MEI4: variants seen among roughly 807,000 people sequenced by gnomAD.
The protein encoded by MEI4 is meiosis-specific protein MEI4.
Under a neutral mutation model 31.4 loss-of-function variants are expected in MEI4, and 27 were observed. The ratio of observed to expected loss-of-function variants is 0.86; its 90% confidence interval spans 0.63 to 1.19. The LOEUF is 1.19. Ranked by LOEUF, MEI4 falls within the 50% of genes most tolerant of loss-of-function variation. The pLI, the probability that MEI4 is intolerant of heterozygous loss-of-function variation, is 0.00. For synonymous variants in MEI4, 122 were observed against 145.4 expected, an observed-to-expected ratio of 0.84 and a Z score of 1.16; for missense variants, 329 against 398.9, an observed-to-expected ratio of 0.82 and a Z score of 1.49.
chr6:77,761,416 A>G lies in MEI4; in HGVS notation c.519A>G (p.Leu173=). 1 of 1,232,152 alleles carries G rather than the reference A, an allele frequency of 8.1e-7. No individual in the cohort carries two copies. The highest frequency in any genetic ancestry group is 1.0e-6 in the Non-Finnish European group (1 of 987,936). The allele number at this position is 1,232,152 out of a possible 1,614,324, so 76.3% of individuals were successfully genotyped here. ...LTESGNLKRD[L]THFEKDSSTV... is the part of the protein sequence containing the mutation. The stretch of plus-strand genomic sequence containing the variant: ...AATCAGGTAATCTTAAAAGAGACTT[A>G]ACCCACTTTGAAAAAGACTCTTCCA... Residue 173 remains leucine (L), a synonymous_variant, in exon 3 of 5, where the codon TTA becomes TTG. Transcript: ENST00000684080.
intron 2 of MEI4, among the ~76,000 whole-genome samples, chr6:77,714,261 T>C (rs921898273): frequency 6.6e-6 from 1 of 151,926 alleles, no homozygotes; most frequent in African/African-American, 2.4e-5. Context: ...AACAGAAAAG[T>C]AAAGCAAACA....
At chr6:77,818,630 GT>G (rs1236707464) in intron 3 of MEI4, among the ~76,000 whole-genome samples, 3 of 151,934 alleles carry the variant, frequency 2.0e-5, no homozygotes, top group Non-Finnish European at 4.4e-5. Context: ...AGTATTCTGT[GT>G]TATTATATAA....
At chr6:77,757,252 A>T (rs1290334473) in intron 2 of MEI4, among the ~76,000 whole-genome samples, 1 of 152,176 alleles carries the variant, frequency 6.6e-6, no homozygotes, top group African/African-American at 2.4e-5. Context: ...ATTCAGCTTG[A>T]TATTTTGACT....
At chr6:77,900,100 C>T (rs955188109) in intron 4 of MEI4, among the ~76,000 whole-genome samples, 3 of 151,834 alleles carry the variant, frequency 2.0e-5, no homozygotes, top group African/African-American at 7.3e-5. Flanking sequence ...AATGAGATAT[C>T]ACTGCATCTC....
intron 4 of MEI4, among the ~76,000 whole-genome samples, chr6:77,909,848 A>T (rs915849532): frequency 2.0e-5 from 3 of 152,212 alleles, no homozygotes; most frequent in African/African-American, 7.2e-5. Flanking sequence ...TACATCAAAA[A>T]GCTTATCCAC....
chr6:77,800,151 T>C (rs1769207271), intron 3 of MEI4, among the ~76,000 whole-genome samples: 1 of 152,166 alleles, frequency 6.6e-6, no homozygotes, highest in African/African-American at 2.4e-5. Context: ...TCCATTTCTT[T>C]GTATCCTCTT....
rs1766758980 is a variant in MEI4 at position 77,923,437 on chromosome 6, A to T, written c.*91A>T. On this transcript the variant is annotated 3_prime_UTR_variant, in exon 5 of 5. Coordinates refer to ENST00000684080, the MANE Select transcript of MEI4 (RefSeq NM_001322247.2). The stretch of plus-strand genomic sequence containing the variant: ...TGAAAAGATTTTCAATAGTATTTTA[A>T]TTAGCATTTTAGAATTGATCTCTAA... 5 of 994,682 alleles carry T rather than the reference A, an allele frequency of 5.0e-6. No homozygotes were observed. Among genetic ancestry groups the T allele is most frequent in the African/African-American group, 3.4e-5 (2 of 59,200 alleles). 61.6% of individuals were successfully genotyped at this position (994,682 alleles called of 1,614,324 possible).
chr6:77,727,407 A>G (rs1564653), intron 2 of MEI4, among the ~76,000 whole-genome samples: 45,538 of 152,068 alleles, frequency 0.3, 6,981 homozygotes, highest in East Asian at 0.48. Flanking sequence ...TTTCCTTGGC[A>G]AAGGCTAAGT....
chr6:77,874,437 A>AT (rs1030777875), intron 4 of MEI4, among the ~76,000 whole-genome samples: 1 of 152,142 alleles, frequency 6.6e-6, no homozygotes, highest in Non-Finnish European at 1.5e-5. Flanking sequence ...AATGCTTGTG[A>AT]TTTTTGCACA....
At chr6:77,843,599 G>A (rs1003416305) in intron 4 of MEI4, among the ~76,000 whole-genome samples, 3 of 151,302 alleles carry the variant, frequency 2.0e-5, no homozygotes, top group Admixed American at 6.6e-5. Context: ...TGGCTAGTTC[G>A]TGCTAGAGGG....
chr6:77,812,330 A>G (rs974241715), intron 3 of MEI4, among the ~76,000 whole-genome samples: 11 of 152,176 alleles, frequency 7.2e-5, no homozygotes, highest in African/African-American at 2.7e-4. Context: ...AAAGCAAGCA[A>G]GAAAAAAAGT....
At chr6:77,887,690 C>A (rs7775987) in intron 4 of MEI4, among the ~76,000 whole-genome samples, 125,732 of 152,250 alleles carry the variant, frequency 0.83, 52,433 homozygotes, top group East Asian at 0.95. Flanking sequence ...TTGTTTTGTG[C>A]CCTAATGTAT....
intron 2 of MEI4, among the ~76,000 whole-genome samples, chr6:77,706,918 TA>T (rs1341917972): frequency 6.6e-6 from 1 of 152,136 alleles, no homozygotes; most frequent in Non-Finnish European, 1.5e-5. Flanking sequence ...TAAACCACTT[TA>T]TAAAGTTCAC....
chr6:77,788,832 A>G (rs965374809), intron 3 of MEI4, among the ~76,000 whole-genome samples: 10 of 152,172 alleles, frequency 6.6e-5, no homozygotes, highest in South Asian at 6.2e-4. Context: ...TACTGCCCAA[A>G]GTAATTTACA....
At chr6:77,784,886 A>G (rs1768692982) in intron 3 of MEI4, among the ~76,000 whole-genome samples, 2 of 152,082 alleles carry the variant, frequency 1.3e-5, no homozygotes, top group Admixed American at 6.6e-5. Flanking sequence ...TAATCCTTCT[A>G]TTTCTCATTC....
intron 3 of MEI4, among the ~76,000 whole-genome samples, chr6:77,803,494 G>A (rs988682712): frequency 2.0e-5 from 3 of 152,172 alleles, no homozygotes; most frequent in Non-Finnish European, 2.9e-5. Flanking sequence ...TCTCCATCCA[G>A]CTTTATTCTG....
intron 4 of MEI4, among the ~76,000 whole-genome samples, chr6:77,853,414 A>G (rs1770678745): frequency 6.6e-6 from 1 of 152,222 alleles, no homozygotes; most frequent in Non-Finnish European, 1.5e-5. Flanking sequence ...TTTTAATAAT[A>G]GCAAAAACAA....
intron 4 of MEI4, among the ~76,000 whole-genome samples, chr6:77,920,672 A>C (rs563578988): frequency 1.4e-4 from 22 of 152,072 alleles, no homozygotes; most frequent in African/African-American, 5.1e-4. Context: ...TAGCCTTATA[A>C]AATAAGTTTC....
At chr6:77,839,174 G>A (rs150416373) in intron 4 of MEI4, among the ~76,000 whole-genome samples, 5 of 152,118 alleles carry the variant, frequency 3.3e-5, no homozygotes, top group East Asian at 1.9e-4. Flanking sequence ...AGGAATCCTC[G>A]GGACTTTTGT....
Sources: gnomAD v4.1 joint callset for allele counts (sites outside exome capture counted in the v4.1 genomes callset) on GRCh38, gnomAD v4.1.1 for gene constraint, MANE v1.5 for transcripts, NCBI Gene and HGNC (gene_info 2026-07-23, HGNC 2026-07-21) for gene names.